The following CCL14 variants were observed in gnomAD, a reference collection of about 807,000 sequenced individuals.
CCL14 encodes C-C motif chemokine ligand 14.
Under a neutral mutation model 8.2 loss-of-function variants are expected in CCL14, and 8 were observed. The ratio of observed to expected loss-of-function variants is 0.98; its 90% CI spans 0.57 to 1.76. The LOEUF (loss-of-function observed/expected upper bound fraction) is 1.76, where lower values mean the gene tolerates loss of function less well. CCL14 is among the 40% of genes most tolerant of loss of function. The pLI is 0.00. For synonymous variants in CCL14, 50 were observed against 43.2 expected (o/e 1.16, Z -0.62); for missense variants, 127 against 118.3 (o/e 1.07, Z -0.34).
Position 35,983,705 on chromosome 17 carries a change from G to T in CCL14, c.*96C>A. The stretch of plus-strand genomic sequence containing the variant: ...CAAAGCAGGGAAGCTCCAAGAGGGT[G>T]ACTGGGGCTGAGAGTTAGCGGTGGG... On this transcript the variant is annotated 3_prime_UTR_variant, in exon 3 of 3. Coordinates refer to ENST00000618404, the MANE Select transcript of CCL14 (RefSeq NM_032963.4). The T allele has an allele frequency of 2.4e-6, 2 of 841,404 alleles. No individual in the cohort carries two copies. Among genetic ancestry groups the T allele is most frequent in the South Asian group, 2.7e-5 (2 of 73,578 alleles). The allele number at this position is 841,404 out of a possible 1,614,324, so 52.1% of individuals were successfully genotyped here.
At chr17:35,984,316 G>A (rs2089721531) in intron 2 of CCL14, 22 bp downstream of exon 2, 1 of 1,533,954 alleles carries the variant, frequency 6.5e-7, no homozygotes, top group Non-Finnish European at 9.0e-7. Context: ...TCCCCCCAGT[G>A]TGATGTGTGT....
Position 35,984,438 on chromosome 17 carries a change from G to A in CCL14, c.94C>T (p.Pro32Ser), listed in dbSNP as rs762190316. The stretch of plus-strand genomic sequence containing the variant: ...GTGTAGGTGAAGCAGCACTCTGAGG[G>A]GTGGTAAGGTCCCCCTGAGGAGAGA... ...TESSSRGPYHPSECCFTYTTY... is the reference protein window; with the variant it reads ...TESSSRGPYHSSECCFTYTTY... Residue 32 changes from proline (P) to serine (S), a missense_variant, in exon 2 of 3, where the codon CCC becomes TCC. Physicochemically the swap from Pro to Ser is moderately conservative, Grantham distance 74. Coordinates refer to ENST00000618404, the MANE Select transcript of CCL14 (RefSeq NM_032963.4). 3.1e-6 allele frequency: 5 copies of A among 1,612,060 alleles called. No homozygotes were observed. The highest frequency in any genetic ancestry group is 4.2e-6 in the Non-Finnish European group (5 of 1,179,014).
intron 1 of CCL14, 40 bp downstream of exon 1, chr17:35,986,531 C>T (rs775413064): frequency 6.5e-7 from 1 of 1,531,268 alleles, no homozygotes; most frequent in South Asian, 1.1e-5. Flanking sequence ...TATTTCCCTG[C>T]AGGCTCTAGG....
At position 35,983,572 on chromosome 17, in the gene CCL14, G is replaced by C; in HGVS notation, c.*229C>G. 1 of 464,918 alleles carries C rather than the reference G, an allele frequency of 2.2e-6. No homozygotes were observed. Among genetic ancestry groups the C allele is most frequent in the South Asian group, 5.1e-5 (1 of 19,602 alleles). 28.8% of individuals were successfully genotyped at this position (464,918 alleles called of 1,614,324 possible). On this transcript the variant is annotated 3_prime_UTR_variant, in exon 3 of 3. Transcript: ENST00000618404. ...GGCTCCAGCAAAACTTCTGCAGAGC[G>C]AGGCTTGATGCCGAGGGTGCCACAC...
rs200417454 is a variant in CCL14, at chr17:35,983,934, G to A, written c.195-46C>T. The A allele has an allele frequency of 2.1e-6, 3 of 1,409,670 alleles. No individual in the cohort carries two copies. The African/African-American group carries it at 4.2e-5, about 20-fold the overall frequency. 87.3% of individuals were successfully genotyped at this position (1,409,670 alleles called of 1,614,324 possible). A position where few individuals can be genotyped will look rare whatever the true frequency, so the allele number is the denominator to read the frequency against. On this transcript the variant is annotated intron_variant, in intron 2 of 2. Coordinates refer to ENST00000618404, the MANE Select transcript of CCL14 (RefSeq NM_032963.4). ...GGATCACAAACCGAGGGGCCCAGTGGCCGGAAGAGACAGCCCATCTTCCCT... is the reference window on the plus strand; with the variant it reads ...GGATCACAAACCGAGGGGCCCAGTGACCGGAAGAGACAGCCCATCTTCCCT...
At chr17:35,986,095 C>T (rs1266174436) in intron 1 of CCL14, 15 of 440,656 alleles carry the variant, frequency 3.4e-5, no homozygotes, top group South Asian at 4.1e-5. Context: ...TTTTGCTTAG[C>T]GGCAAAGAGA....
At chr17:35,984,533 T>A (rs2089730345) in intron 1 of CCL14, 81 bp from the exon 2 acceptor site, 1 of 874,926 alleles carries the variant, frequency 1.1e-6, no homozygotes, top group Non-Finnish European at 1.9e-6. Context: ...GCTGAGGGCA[T>A]GGAGGAGGGA....
In CCL14 at chr17:35,983,525, G is replaced by A. The variant is rs1013739814; in HGVS notation, c.*276C>T. On this transcript the variant is annotated 3_prime_UTR_variant, in exon 3 of 3. Coordinates refer to ENST00000618404, the MANE Select transcript of CCL14 (RefSeq NM_032963.4). ...CTGCTTCTCACTACCTGCATTGCAG[G>A]CCTGACCTATTTTTTGTACCAGGCT... The A allele has an allele frequency of 1.1e-5, 5 of 442,816 alleles. No homozygotes were observed. Among genetic ancestry groups the A allele is most frequent in the Non-Finnish European group, 2.0e-5 (5 of 247,524 alleles). 27.4% of individuals were successfully genotyped at this position (442,816 alleles called of 1,614,324 possible). A position where few individuals can be genotyped will look rare whatever the true frequency, so the allele number is the denominator to read the frequency against.
intron 2 of CCL14, among the ~76,000 whole-genome samples, 167 bp from the exon 3 acceptor site, chr17:35,984,055 C>T (rs2089716005): frequency 6.6e-6 from 1 of 152,170 alleles, no homozygotes; most frequent in Admixed American, 6.5e-5. Flanking sequence ...CTCTTCGGTT[C>T]CTAGGACCCC....
Position 35,986,571 on chromosome 17 carries a change from G to A in CCL14, c.79C>T (p.Arg27Trp), listed in dbSNP as rs186783049. The change falls in exon 1 of 3, where the codon CGG (arginine) becomes TGG (tryptophan). Residue 27 changes from arginine to tryptophan, a missense_variant and splice_region_variant. Transcript: ENST00000618404. ...AAGGAAGACAAGGCATTGCACTCAC[G>A]TGAGGAGGATTCAGTCTTGGTCCCT... ...ALGTKTESSS[R>W]GPYHPSECCF... The A allele has an allele frequency of 1.6e-5, 25 of 1,611,996 alleles. No individual in the cohort carries two copies. Among genetic ancestry groups the A allele is most frequent in the African/African-American group, 8.0e-5 (6 of 74,968 alleles).
rs1460703857 is a variant in CCL14 at position 35,986,714 on chromosome 17, G to GT, written c.-66_-65insA. The GT allele has an allele frequency of 8.4e-7, 1 of 1,196,644 alleles. No homozygotes were observed. Among genetic ancestry groups the GT allele is most frequent in the Admixed American group, 1.7e-5 (1 of 57,866 alleles). The allele number at this position is 1,196,644 out of a possible 1,614,324, so 74.1% of individuals were successfully genotyped here. ...GGAGCTTCAGAGGCTCCTGCGGTGA[G>GT]GAATTGTTGAGAAATGATCATTGAG... On this transcript the variant is annotated 5_prime_UTR_variant, in exon 1 of 3. Coordinates refer to ENST00000618404, the MANE Select transcript of CCL14 (RefSeq NM_032963.4).
rs1342934795 is a variant in CCL14, at chr17:35,983,777, C to A, written c.*24G>T. 2 of 1,546,746 alleles carry A rather than the reference C, an allele frequency of 1.3e-6. No homozygotes were observed. Among genetic ancestry groups the A allele is most frequent in the Admixed American group, 3.3e-5 (2 of 59,928 alleles). ...CTTCTCTTTATGTCTCTGAGCTGTG[C>A]CTTCGCCACCCCTTCTGGGTCACTC... is the stretch of plus-strand genomic sequence containing the variant. On this transcript the variant is annotated 3_prime_UTR_variant, in exon 3 of 3. Transcript: ENST00000618404.
chr17:35,985,697 C>G (rs1042942517), intron 1 of CCL14: 1 of 1,498,774 alleles, frequency 6.7e-7, no homozygotes, highest in African/African-American at 1.4e-5. Context: ...CACCTTGTTC[C>G]TCTGAGCTGA....
chr17:35,984,406 G>T lies in CCL14; in HGVS notation c.126C>A (p.Tyr42Ter), dbSNP rs376131777. ...CCATAATCCGCTGACGCGGGATCTT[G>T]TAGGTAGTGTAGGTGAAGCAGCACT... is the stretch of plus-strand genomic sequence containing the variant. ...PSECCFTYTT[Y>*]KIPRQRIMDY... The change falls in exon 2 of 3, where the codon TAC (tyrosine) becomes TAA (stop). Residue 42 changes from tyrosine (Y) to a stop codon, truncating the protein, a stop_gained. Coordinates refer to ENST00000618404, the MANE Select transcript of CCL14 (RefSeq NM_032963.4). LOFTEE classifies it high-confidence loss of function. 12 of 1,613,692 alleles carry T rather than the reference G, an allele frequency of 7.4e-6. No homozygotes were observed. In the African/African-American group the frequency reaches 1.3e-4, roughly 18 times the overall value.
intron 1 of CCL14, chr17:35,986,230 G>C (rs2089766370): frequency 5.3e-6 from 2 of 377,406 alleles, no homozygotes; most frequent in Non-Finnish European, 9.5e-6. Context: ...TTCAGGATCT[G>C]TTTATTTGGA....
intron 1 of CCL14, chr17:35,985,494 T>C (rs1472572756): frequency 9.2e-6 from 5 of 541,420 alleles, no homozygotes; most frequent in Non-Finnish European, 1.6e-5. Flanking sequence ...GTGTGCATGT[T>C]ATGTGACCCT....
At chr17:35,984,190 G>A (rs1220901507) in intron 2 of CCL14, 148 bp downstream of exon 2, 26 of 652,592 alleles carry the variant, frequency 4.0e-5, no homozygotes, top group African/African-American at 1.8e-4. Flanking sequence ...GCCAGAAAGC[G>A]CTCAGATTGC....
chr17:35,983,711 G>C lies in CCL14; in HGVS notation c.*90C>G. 1 of 879,136 alleles carries C rather than the reference G, an allele frequency of 1.1e-6. No homozygotes were observed. Among genetic ancestry groups the C allele is most frequent in the Non-Finnish European group, 1.9e-6 (1 of 513,338 alleles). The allele number at this position is 879,136 out of a possible 1,614,324, so 54.5% of individuals were successfully genotyped here. A position where few individuals can be genotyped will look rare whatever the true frequency, so the allele number is the denominator to read the frequency against. Reference sequence around the variant, plus strand: ...AGGGAAGCTCCAAGAGGGTGACTGGGGCTGAGAGTTAGCGGTGGGTGGAGG... The same window carrying C: ...AGGGAAGCTCCAAGAGGGTGACTGGCGCTGAGAGTTAGCGGTGGGTGGAGG... On this transcript the variant is annotated 3_prime_UTR_variant, in exon 3 of 3. Transcript: ENST00000618404.
At chr17:35,985,905 A>C (rs2089759719) in intron 1 of CCL14, 1 of 866,878 alleles carries the variant, frequency 1.2e-6, no homozygotes, top group Non-Finnish European at 1.9e-6. Context: ...GATGGACCCC[A>C]CACTGTCGTG....
Sources: allele counts gnomAD v4.1 joint callset (sites outside exome capture counted in the v4.1 genomes callset), GRCh38; gene constraint gnomAD v4.1.1; transcripts MANE v1.5; gene names NCBI Gene and HGNC (gene_info 2026-07-23, HGNC 2026-07-21).